EYS: variants seen among roughly 807,000 people sequenced by gnomAD.
EYS encodes the protein protein eyes shut homolog.
In EYS, 250 loss-of-function variants were observed where a neutral mutation model predicts 282.1. The observed-to-expected ratio is 0.89, with a 90% CI of 0.80 to 0.98. The LOEUF (loss-of-function observed/expected upper bound fraction) is 0.98. EYS is among the 50% of genes least tolerant of loss of function. The probability of loss-of-function intolerance (pLI) is 0.00; values close to 1 mark genes in which losing one functional copy is unlikely to be tolerated. For synonymous variants in EYS, 1,355 were observed against 1,282.9 expected (o/e 1.06, Z -1.20); for missense variants, 4,016 against 3,709.0 (o/e 1.08, Z -2.15).
chr6:64,204,066 C>G (rs1765549396), intron 31 of EYS, among the ~76,000 whole-genome samples: 2 of 151,992 alleles, frequency 1.3e-5, no homozygotes, highest in South Asian at 2.1e-4. Flanking sequence ...CTATTTGAGG[C>G]TAAAATACCT....
At chr6:63,865,238 C>T (rs1355466619) in intron 35 of EYS, among the ~76,000 whole-genome samples, 6 of 152,164 alleles carry the variant, frequency 3.9e-5, no homozygotes, top group African/African-American at 7.2e-5. Context: ...TTGATGGTGG[C>T]GTGTGCCTGT....
chr6:64,294,322 A>G (rs1256795863), intron 30 of EYS, among the ~76,000 whole-genome samples: 2 of 152,220 alleles, frequency 1.3e-5, no homozygotes, highest in African/African-American at 4.8e-5. Context: ...GAGGAAATAG[A>G]TCATGCTATT....
At chr6:64,894,895 T>A (rs1209335179) in intron 18 of EYS, among the ~76,000 whole-genome samples, 3 of 152,126 alleles carry the variant, frequency 2.0e-5, no homozygotes, top group Admixed American at 6.5e-5. Context: ...TACCCACAAT[T>A]CTTGAATATA....
At chr6:64,133,398 T>C (rs950158492) in intron 31 of EYS, among the ~76,000 whole-genome samples, 1 of 151,892 alleles carries the variant, frequency 6.6e-6, no homozygotes. Context: ...GTTTATTGAT[T>C]ATTTTTGTTA....
chr6:64,854,726 A>T (rs1487456995), intron 19 of EYS, among the ~76,000 whole-genome samples: 5 of 152,206 alleles, frequency 3.3e-5, no homozygotes, highest in Non-Finnish European at 7.4e-5. Context: ...CATGTACCCT[A>T]ACAGTTAAAA....
intron 35 of EYS, among the ~76,000 whole-genome samples, chr6:63,927,779 G>C: frequency 6.6e-6 from 1 of 152,174 alleles, no homozygotes; most frequent in East Asian, 1.9e-4. Context: ...GCTGGGCAGC[G>C]GATACTTTAA....
intron 31 of EYS, among the ~76,000 whole-genome samples, chr6:64,104,176 C>A (rs1408997153): frequency 1.3e-5 from 2 of 151,844 alleles, no homozygotes; most frequent in Non-Finnish European, 2.9e-5. Context: ...GGAATGGTAA[C>A]CTTATAGGAA....
chr6:65,424,788 T>G (rs573194168), intron 5 of EYS, among the ~76,000 whole-genome samples: 7 of 152,058 alleles, frequency 4.6e-5, no homozygotes, highest in African/African-American at 1.7e-4. Flanking sequence ...ATGGAAGAAA[T>G]AGTATGCCTT....
At chr6:63,879,821 G>T (rs1773079975) in intron 35 of EYS, among the ~76,000 whole-genome samples, 1 of 152,166 alleles carries the variant, frequency 6.6e-6, no homozygotes, top group Non-Finnish European at 1.5e-5. Flanking sequence ...CATCTGGGGT[G>T]ACTGCCTAAC....
chr6:64,843,807 A>G (rs1428867119), intron 19 of EYS, among the ~76,000 whole-genome samples: 1 of 152,008 alleles, frequency 6.6e-6, no homozygotes, highest in Non-Finnish European at 1.5e-5. Context: ...TGAGGACATG[A>G]GATTTGGAGG....
At chr6:65,684,637 T>G (rs1194209747) in intron 1 of EYS, among the ~76,000 whole-genome samples, 1 of 152,002 alleles carries the variant, frequency 6.6e-6, no homozygotes, top group Non-Finnish European at 1.5e-5. Flanking sequence ...CAGTCTGTTT[T>G]GAGATACTTC....
chr6:64,453,871 T>C (rs1233440377), intron 26 of EYS, among the ~76,000 whole-genome samples: 1 of 150,342 alleles, frequency 6.7e-6, no homozygotes, highest in Non-Finnish European at 1.5e-5. Flanking sequence ...GTGGGGGGAG[T>C]GGGGAGGGAT....
At chr6:64,229,704 AAC>A (rs143216165) in intron 31 of EYS, among the ~76,000 whole-genome samples, 1 of 152,118 alleles carries the variant, frequency 6.6e-6, no homozygotes, top group African/African-American at 2.4e-5. Flanking sequence ...AGGGTGGAAT[AAC>A]ACACATGCAC....
chr6:63,785,280 A>G (rs914451535), intron 39 of EYS, among the ~76,000 whole-genome samples: 19 of 152,234 alleles, frequency 1.2e-4, no homozygotes, highest in Non-Finnish European at 5.9e-5. Flanking sequence ...TACAGGCAAC[A>G]GAACTTCTAG....
intron 31 of EYS, among the ~76,000 whole-genome samples, chr6:64,200,986 ATCT>A (rs1455391806): frequency 6.6e-6 from 1 of 152,166 alleles, no homozygotes; most frequent in African/African-American, 2.4e-5. Flanking sequence ...AAACTGATCC[ATCT>A]TCTTAGAAAT....
At chr6:65,047,095 CTCTT>C (rs749815339) in intron 13 of EYS, among the ~76,000 whole-genome samples, 7 of 151,054 alleles carry the variant, frequency 4.6e-5, no homozygotes, top group East Asian at 2.0e-4. Flanking sequence ...TCAATTAAAC[CTCTT>C]TTTTTTTTTT....
chr6:64,937,658 T>C (rs866408226), intron 15 of EYS, among the ~76,000 whole-genome samples: 21 of 151,590 alleles, frequency 1.4e-4, no homozygotes, highest in Admixed American at 1.1e-3. Flanking sequence ...TGTGGAGAAG[T>C]TGACACTCTC....
chr6:65,589,501 C>A (rs2127366755), intron 2 of EYS, among the ~76,000 whole-genome samples: 2 of 152,084 alleles, frequency 1.3e-5, no homozygotes, highest in South Asian at 4.1e-4. Context: ...CACTCACTAC[C>A]TCTCTAGGTA....
intron 22 of EYS, among the ~76,000 whole-genome samples, chr6:64,747,162 T>A (rs1410711756): frequency 6.6e-6 from 1 of 152,222 alleles, no homozygotes; most frequent in Non-Finnish European, 1.5e-5. Flanking sequence ...CAAGTAAAAC[T>A]ACTTTGTAAT....
Sources: gnomAD v4.1 joint callset for allele counts (sites outside exome capture counted in the v4.1 genomes callset) on GRCh38, gnomAD v4.1.1 for gene constraint, MANE v1.5 for transcripts, NCBI Gene and HGNC (gene_info 2026-07-23, HGNC 2026-07-21) for gene names.